Variants in KATNB1 observed in about 807,000 individuals in gnomAD.
KATNB1 encodes the protein katanin regulatory subunit B1.
A neutral mutation model predicts 82.3 loss-of-function variants in KATNB1; 38 were observed. That is an observed-to-expected ratio of 0.46 (90% CI 0.36 to 0.61). The LOEUF (loss-of-function observed/expected upper bound fraction) is 0.61. Among genes scored for constraint, KATNB1 ranks in the 20% least tolerant of loss-of-function variants. KATNB1 has a pLI of 0.00. For missense variants in KATNB1, 749 were observed against 915.7 expected (o/e 0.82, Z 2.35); for synonymous variants, 361 against 368.7 (o/e 0.98, Z 0.24).
At position 57,751,470 on chromosome 16, in the gene KATNB1, C is replaced by T. The variant is rs1441165928; in HGVS notation, c.432+168C>T. 6.6e-6 allele frequency among the ~76,000 whole-genome samples: 1 copy of T among 152,142 alleles called. No individual in the cohort carries two copies. Among genetic ancestry groups the T allele is most frequent in the Non-Finnish European group, 1.5e-5 (1 of 68,028 alleles). ...AGCGCCATGGGCGGCCCACCTGGAT[C>T]CCCTGGCTCTGCATGAATCCCCTAG... is the stretch of plus-strand genomic sequence containing the variant. On this transcript the variant is annotated intron_variant, in intron 6 of 19. Coordinates refer to ENST00000379661, the MANE Select transcript of KATNB1 (RefSeq NM_005886.3). The surrounding 1 kb of genome is among the most constrained non-coding windows in gnomAD (Gnocchi z 6.3).
chr16:57,748,768 C>T (rs55967335), intron 4 of KATNB1, among the ~76,000 whole-genome samples: 9,742 of 152,310 alleles, frequency 0.064, 378 homozygotes, highest in South Asian at 0.091. Context: ...GGTAGCTCAG[C>T]GCAGGGGATC....
At chr16:57,748,468 T>TAA (rs66719702) in intron 4 of KATNB1, among the ~76,000 whole-genome samples, 15 of 134,436 alleles carry the variant, frequency 1.1e-4, no homozygotes, top group Admixed American at 7.3e-4. Context: ...TCTATTTTTT[T>TAA]AAAAAAAAAA....
chr16:57,741,623 A>G, intron 2 of KATNB1, 64 bp from the exon 3 acceptor site: 1 of 1,548,432 alleles, frequency 6.5e-7, no homozygotes, highest in Non-Finnish European at 8.8e-7. Context: ...GAGCAGGGTC[A>G]CCCCTCCTTC....
chr16:57,752,663 T>A, intron 9 of KATNB1, 62 bp downstream of exon 9: 1 of 1,544,770 alleles, frequency 6.5e-7, no homozygotes, highest in Non-Finnish European at 8.7e-7. Flanking sequence ...TGGCTGTGGG[T>A]GGGCCTTTCC....
Position 57,753,064 on chromosome 16 carries a change from C to T in KATNB1, c.856-13C>T, listed in dbSNP as rs781947850. 6.3e-7 allele frequency: 1 copy of T among 1,594,974 alleles called. No individual in the cohort carries two copies. Among genetic ancestry groups the T allele is most frequent in the African/African-American group, 1.3e-5 (1 of 74,822 alleles). On this transcript the variant is annotated splice_polypyrimidine_tract_variant and intron_variant, in intron 10 of 19. Coordinates refer to ENST00000379661, the MANE Select transcript of KATNB1 (RefSeq NM_005886.3). ...GGCTTGCAGTCCCAGCCCCACCTCTCCGCTTTCTGCAGATAGGTGTGGCCT... is the reference window on the plus strand; with the variant it reads ...GGCTTGCAGTCCCAGCCCCACCTCTTCGCTTTCTGCAGATAGGTGTGGCCT...
chr16:57,756,909 T>C lies in KATNB1; in HGVS notation c.1931T>C (p.Phe644Ser). ...SGLSGRHGSTFRELHLLMASL... is the reference protein window; with the variant it reads ...SGLSGRHGSTSRELHLLMASL... ...CTGAGCGGCCGCCATGGCAGTACCT[T>C]CCGCGAGCTGCACCTGCTCATGGCC... The change falls in exon 20 of 20, where the codon TTC (phenylalanine) becomes TCC (serine). Residue 644 changes from phenylalanine (F) to serine (S), a missense_variant. This residue lies in a region of KATNB1 where 95 missense variants were observed against 131.6 expected (regional missense o/e 0.72). Coordinates refer to ENST00000379661, the MANE Select transcript of KATNB1 (RefSeq NM_005886.3). 2.6e-6 allele frequency: 4 copies of C among 1,550,980 alleles called. No homozygotes were observed. The highest frequency in any genetic ancestry group is 3.5e-6 in the Non-Finnish European group (4 of 1,146,762).
chr16:57,752,100 C>G, intron 8 of KATNB1, 45 bp downstream of exon 8: 1 of 1,238,138 alleles, frequency 8.1e-7, no homozygotes, highest in South Asian at 1.2e-5. Context: ...TGCTGTCCTT[C>G]ACCGCCTTGT....
intron 2 of KATNB1, among the ~76,000 whole-genome samples, chr16:57,739,843 C>T (rs1167337966): frequency 6.6e-6 from 1 of 152,168 alleles, no homozygotes; most frequent in Non-Finnish European, 1.5e-5. Context: ...AACAGGCACC[C>T]AGGAAATACT....
chr16:57,752,736 C>G, intron 9 of KATNB1, 42 bp from the exon 10 acceptor site: 1 of 1,596,262 alleles, frequency 6.3e-7, no homozygotes, highest in Non-Finnish European at 8.5e-7. Flanking sequence ...GGGGACCAGG[C>G]TGGGTGCCAC....
At chr16:57,755,031 A>G (rs782477366) in intron 14 of KATNB1, 34 bp downstream of exon 14, 1 of 1,613,692 alleles carries the variant, frequency 6.2e-7, no homozygotes, top group Admixed American at 1.7e-5. Flanking sequence ...TGTGGGGCCT[A>G]GAGAAGGTCC....
chr16:57,744,318 G>T (rs1312525984), intron 3 of KATNB1, 76 bp from the exon 4 acceptor site: 2 of 1,294,944 alleles, frequency 1.5e-6, no homozygotes, highest in African/African-American at 1.5e-5. Context: ...AAGCCTTTCC[G>T]GGGGACTTGG....
At chr16:57,737,628 G>T (rs754203861) in intron 2 of KATNB1, among the ~76,000 whole-genome samples, 8 of 152,188 alleles carry the variant, frequency 5.3e-5, no homozygotes, top group Non-Finnish European at 1.0e-4. Context: ...AATCCTGAAA[G>T]ATGTTCACAG....
At position 57,744,474 on chromosome 16, in the gene KATNB1, G is replaced by A. The variant is rs1555580748; in HGVS notation, c.252G>A (p.Ser84=). 1.9e-6 allele frequency: 3 copies of A among 1,614,044 alleles called. No homozygotes were observed. The highest frequency in any genetic ancestry group is 1.7e-6 in the Non-Finnish European group (2 of 1,180,020). ...PEELIVAGSQ[S]GSIRVWDLEA... Reference sequence around the variant, plus strand: ...AGCTCATCGTGGCCGGCTCTCAGTCGGGCTCCATCCGTGTCTGGGACCTGG... The same window carrying A: ...AGCTCATCGTGGCCGGCTCTCAGTCAGGCTCCATCCGTGTCTGGGACCTGG... The change falls in exon 4 of 20, where the codon TCG becomes TCA. Residue 84 remains serine, a synonymous_variant. Transcript: ENST00000379661.
chr16:57,739,572 G>A (rs1309017861), intron 2 of KATNB1, among the ~76,000 whole-genome samples: 2 of 152,178 alleles, frequency 1.3e-5, no homozygotes, highest in Non-Finnish European at 2.9e-5. Flanking sequence ...TGTCCAACAA[G>A]CCAGGATGAA....
At position 57,753,211 on chromosome 16, in the gene KATNB1, C is replaced by T. The variant is rs782426264; in HGVS notation, c.990C>T (p.Ser330=). Residue 330 remains serine (S), a synonymous_variant, in exon 11 of 20, where the codon AGC becomes AGT. Transcript: ENST00000379661. The stretch of plus-strand genomic sequence containing the variant: ...TGGCACAGCCACTGCCCAACCCCAG[C>T]GCCCCCCTCCGGCGCATCTATGAGC... ...RPLAQPLPNP[S]APLRRIYERP... The T allele has an allele frequency of 9.3e-6, 15 of 1,607,544 alleles. No homozygotes were observed. The highest frequency in any genetic ancestry group is 6.6e-5 in the South Asian group (6 of 90,930).
rs1555585273 is a variant in KATNB1 at position 57,755,143 on chromosome 16, G to A, written c.1321G>A (p.Val441Met). The change falls in exon 15 of 20, where the codon GTG (valine) becomes ATG (methionine). Residue 441 changes from valine to methionine, a missense_variant. Physicochemically the swap from Val to Met is conservative, Grantham distance 21. Coordinates refer to ENST00000379661, the MANE Select transcript of KATNB1 (RefSeq NM_005886.3). ...PNLEVLPRPP[V>M]VASTPAPKAE... Reference sequence around the variant, plus strand: ...GCTGGAGGTCCTGCCCCGGCCCCCAGTGGTTGCTTCCACACCTGCACCCAA... The same window carrying A: ...GCTGGAGGTCCTGCCCCGGCCCCCAATGGTTGCTTCCACACCTGCACCCAA... 6 of 1,612,734 alleles carry A rather than the reference G, an allele frequency of 3.7e-6. No individual in the cohort carries two copies. Among genetic ancestry groups the A allele is most frequent in the Non-Finnish European group, 5.1e-6 (6 of 1,179,876 alleles).
intron 3 of KATNB1, among the ~76,000 whole-genome samples, 182 bp from the exon 4 acceptor site, chr16:57,744,212 G>A (rs547027925): frequency 2.0e-5 from 3 of 152,346 alleles, no homozygotes; most frequent in African/African-American, 7.2e-5. Flanking sequence ...CCTGGGAGCT[G>A]AGGCCGAGAG....
At chr16:57,750,165 G>A (rs2049214487) in intron 4 of KATNB1, among the ~76,000 whole-genome samples, 1 of 152,154 alleles carries the variant, frequency 6.6e-6, no homozygotes, top group Admixed American at 6.5e-5. Context: ...ACTGTCTTGG[G>A]TGGGGTTCAG....
At chr16:57,752,274 T>A (rs2049234709) in intron 8 of KATNB1, 1 of 627,026 alleles carries the variant, frequency 1.6e-6, no homozygotes, top group Non-Finnish European at 2.8e-6. Flanking sequence ...TGTGGCTTCA[T>A]GGGCAGGTTG....
Sources: gnomAD v4.1 joint callset for allele counts (sites outside exome capture counted in the v4.1 genomes callset) on GRCh38, gnomAD v4.1.1 for gene constraint, gnomAD v4.1.1 regional missense constraint, Gnocchi (gnomAD v3.1) non-coding constraint, MANE v1.5 for transcripts, NCBI Gene and HGNC (gene_info 2026-07-23, HGNC 2026-07-21) for gene names.